Variants in RAI14 observed in about 807,000 individuals in gnomAD.
RAI14 encodes ankycorbin.
RAI14 carries 45 observed loss-of-function variants against 115.4 expected under a neutral mutation model. That is an observed-to-expected ratio of 0.39 (90% confidence interval 0.31 to 0.50). The LOEUF is 0.50. Among genes scored for constraint, RAI14 ranks in the 20% least tolerant of loss-of-function variants. The pLI is 0.85. For synonymous variants in RAI14, 371 were observed against 415.4 expected (o/e 0.89, Z 1.30); for missense variants, 939 against 1,131.2 (o/e 0.83, Z 2.44).
In RAI14 at chr5:34,665,043, G is replaced by GTGTATATATA. The variant is rs1743016454; in HGVS notation, c.-49+8572_-49+8581dup. On this transcript the variant is annotated intron_variant, in intron 1 of 17. Coordinates refer to ENST00000265109, the MANE Select transcript of RAI14 (RefSeq NM_015577.3). ...TGTGTATATATATATGTATATATAT[G>GTGTATATATA]TGTATATATATGTGTATATATATGT... Among the ~76,000 whole-genome samples, 30 of 43,178 alleles carry GTGTATATATA rather than the reference G, an allele frequency of 6.9e-4. 10 individuals are homozygous for GTGTATATATA. Among genetic ancestry groups the GTGTATATATA allele is most frequent in the African/African-American group, 2.4e-3 (30 of 12,564 alleles). 28.3% of individuals were successfully genotyped at this position (43,178 alleles called of 152,430 possible).
At chr5:34,789,382 G>A (rs560098389) in intron 3 of RAI14, among the ~76,000 whole-genome samples, 1 of 152,198 alleles carries the variant, frequency 6.6e-6, no homozygotes, top group African/African-American at 2.4e-5. Flanking sequence ...TATGCTTCTG[G>A]TTCACATTCC....
In RAI14 at chr5:34,811,005, C is replaced by T; in HGVS notation, c.451-7C>T. 6.2e-7 allele frequency: 1 copy of T among 1,612,414 alleles called. No homozygotes were observed. The highest frequency in any genetic ancestry group is 8.5e-7 in the Non-Finnish European group (1 of 1,179,408). Reference sequence around the variant, plus strand: ...AGGTAAAATCTAAATCTGAATTTGTCTCCTAGGATGGGAATATACCGCTGC... The same window carrying T: ...AGGTAAAATCTAAATCTGAATTTGTTTCCTAGGATGGGAATATACCGCTGC... On this transcript the variant is annotated splice_region_variant and splice_polypyrimidine_tract_variant and intron_variant, in intron 7 of 17. Transcript: ENST00000265109.
rs183105472 is a variant in RAI14 at position 34,799,979 on chromosome 5, G to T, written c.257-3733G>T. ...TGGGATTACAGGCGTGAGCCACCAC[G>T]CCCGGCCAGCATTTTTTAAAGCTAT... On this transcript the variant is annotated intron_variant, in intron 4 of 17. Transcript: ENST00000265109. Among the ~76,000 whole-genome samples, 506 of 152,220 alleles carry T rather than the reference G, an allele frequency of 3.3e-3. 3 individuals are homozygous for T. Among genetic ancestry groups the T allele is most frequent in the African/African-American group, 0.012 (483 of 41,524 alleles).
chr5:34,726,451 C>T (rs532695620), intron 2 of RAI14, among the ~76,000 whole-genome samples: 10 of 152,224 alleles, frequency 6.6e-5, no homozygotes, highest in East Asian at 1.9e-4. Flanking sequence ...CTCATGAGAA[C>T]GCACTCACTA....
chr5:34,713,908 C>T (rs1057089988), intron 2 of RAI14, among the ~76,000 whole-genome samples: 3 of 152,138 alleles, frequency 2.0e-5, no homozygotes, highest in Admixed American at 6.5e-5. Flanking sequence ...CGGTTTCAAA[C>T]GATTCTCCTG....
In RAI14 at chr5:34,813,577, G is replaced by C; in HGVS notation, c.769G>C (p.Asp257His). Residue 257 changes from aspartate (D) to histidine (H), a missense_variant, in exon 11 of 18, where the codon GAC becomes CAC. Transcript: ENST00000265109. ...TTTGGACTGTGATAACTTTCAGCAT[G>C]ACCAAGTCTCTAAAATAAGCTCAGA... ...LKTPTKPKQH[D>H]QVSKISSERS... The C allele has an allele frequency of 6.2e-7, 1 of 1,611,624 alleles. No individual in the cohort carries two copies. Among genetic ancestry groups the C allele is most frequent in the Non-Finnish European group, 8.5e-7 (1 of 1,178,426 alleles).
intron 2 of RAI14, among the ~76,000 whole-genome samples, chr5:34,693,243 C>T (rs1471485582): frequency 6.6e-6 from 1 of 152,156 alleles, no homozygotes; most frequent in Non-Finnish European, 1.5e-5. Flanking sequence ...CAAGTCAACC[C>T]TTAACACAAC....
At chr5:34,743,605 G>A (rs116834528) in intron 2 of RAI14, among the ~76,000 whole-genome samples, 2,801 of 152,206 alleles carry the variant, frequency 0.018, 33 homozygotes, top group Non-Finnish European at 0.026. Context: ...ATGTACGTAG[G>A]GCTAGCCAAC....
intron 4 of RAI14, among the ~76,000 whole-genome samples, chr5:34,802,413 G>A (rs148542699): frequency 1.3e-5 from 2 of 152,166 alleles, no homozygotes; most frequent in Admixed American, 6.5e-5. Context: ...ATCTACAGGT[G>A]TTATATTATG....
At chr5:34,752,848 A>G (rs1390821077) in intron 2 of RAI14, among the ~76,000 whole-genome samples, 1 of 144,156 alleles carries the variant, frequency 6.9e-6, no homozygotes, top group African/African-American at 2.6e-5. Flanking sequence ...GTTCACTGCA[A>G]CCTCCACCTC....
At chr5:34,753,148 G>A (rs1182943856) in intron 2 of RAI14, among the ~76,000 whole-genome samples, 2 of 152,104 alleles carry the variant, frequency 1.3e-5, no homozygotes, top group African/African-American at 4.8e-5. Context: ...CTGTCCTATG[G>A]AGGGCATGCT....
intron 3 of RAI14, among the ~76,000 whole-genome samples, chr5:34,780,532 A>C (rs1292904648): frequency 6.6e-6 from 1 of 152,236 alleles, no homozygotes; most frequent in East Asian, 1.9e-4. Flanking sequence ...ACAAGAAAAA[A>C]ACAAACAGCC....
chr5:34,660,475 A>G (rs1337688063), intron 1 of RAI14, among the ~76,000 whole-genome samples: 2 of 152,200 alleles, frequency 1.3e-5, no homozygotes, highest in East Asian at 3.9e-4. Context: ...TCTTCATTGT[A>G]AAATTGAAGC....
In RAI14 at chr5:34,830,935, C is replaced by A; in HGVS notation, c.*170C>A. On this transcript the variant is annotated 3_prime_UTR_variant, in exon 18 of 18. Coordinates refer to ENST00000265109, the MANE Select transcript of RAI14 (RefSeq NM_015577.3). ...CTTCTCCCAGGAGAAGACTGCCCGC[C>A]TCAGAACTGCTTAGAGACTTCAAAC... is the stretch of plus-strand genomic sequence containing the variant. 2 of 1,220,852 alleles carry A rather than the reference C, an allele frequency of 1.6e-6. No individual in the cohort carries two copies. The highest frequency in any genetic ancestry group is 2.2e-6 in the Non-Finnish European group (2 of 909,106). The allele number at this position is 1,220,852 out of a possible 1,614,324, so 75.6% of individuals were successfully genotyped here.
At chr5:34,665,726 CT>C (rs1743152222) in intron 1 of RAI14, among the ~76,000 whole-genome samples, 1 of 152,100 alleles carries the variant, frequency 6.6e-6, no homozygotes, top group Admixed American at 6.5e-5. Context: ...TATAAACCTC[CT>C]TGGAATACCC....
chr5:34,796,757 G>C (rs1753586309), intron 4 of RAI14, among the ~76,000 whole-genome samples: 1 of 152,006 alleles, frequency 6.6e-6, no homozygotes, highest in South Asian at 2.1e-4. Context: ...ACCCCTTGCT[G>C]TACTTCAGGG....
Position 34,823,244 on chromosome 5 carries a change from T to C in RAI14, c.1402T>C (p.Cys468Arg), listed in dbSNP as rs762101819. Residue 468 changes from cysteine (C) to arginine (R), a missense_variant, in exon 15 of 18, where the codon TGC becomes CGC. Physicochemically the swap from Cys to Arg is radical, Grantham distance 180. Transcript: ENST00000265109. This position sits in a 1 kb window ranked among gnomAD's most constrained non-coding sequence, Gnocchi z 4.5. Reference protein sequence around the residue: ...ELQSRRAELVCLNNTEISENS... With the variant: ...ELQSRRAELVRLNNTEISENS... The stretch of plus-strand genomic sequence containing the variant: ...CCAATCCCGAAGGGCAGAACTGGTA[T>C]GCTTAAACAACACTGAGATTTCAGA... 1.9e-6 allele frequency: 3 copies of C among 1,614,104 alleles called. No individual in the cohort carries two copies. In the Admixed American group the frequency reaches 5.0e-5, roughly 27 times the overall value.
intron 3 of RAI14, among the ~76,000 whole-genome samples, chr5:34,788,884 G>A (rs1473596789): frequency 2.6e-5 from 4 of 152,150 alleles, no homozygotes; most frequent in African/African-American, 7.2e-5. Context: ...CACGAGAATC[G>A]CTTGAACTCA....
intron 2 of RAI14, chr5:34,728,725 A>G (rs1450705462): frequency 1.3e-5 from 2 of 151,988 alleles, no homozygotes; most frequent in Non-Finnish European, 2.9e-5. Flanking sequence ...TATTAGCAGC[A>G]TGAAAACAGA....
Sources: gnomAD v4.1 joint callset for allele counts (sites outside exome capture counted in the v4.1 genomes callset) on GRCh38, gnomAD v4.1.1 for gene constraint, Gnocchi (gnomAD v3.1) non-coding constraint, MANE v1.5 for transcripts, NCBI Gene and HGNC (gene_info 2026-07-23, HGNC 2026-07-21) for gene names.